Variants in AGAP1 observed in about 807,000 individuals in gnomAD.
AGAP1 encodes the protein arf-GAP with GTPase, ANK repeat and PH domain-containing protein 1.
AGAP1 carries 29 observed loss-of-function variants against 105.3 expected under a neutral mutation model. The observed-to-expected ratio is 0.28, with a 90% CI of 0.21 to 0.38. The LOEUF is 0.38. Ranked by LOEUF, AGAP1 falls within the 10% of genes least tolerant of loss-of-function variation. The pLI, the probability that AGAP1 is intolerant of heterozygous loss-of-function variation, is 1.00. For synonymous variants in AGAP1, 509 were observed against 485.9 expected (o/e 1.05, Z -0.63); for missense variants, 998 against 1,165.1 (o/e 0.86, Z 2.09).
In AGAP1 at chr2:235,900,838, C is replaced by T. The variant is rs998235683; in HGVS notation, c.1156-7900C>T. On this transcript the variant is annotated intron_variant, in intron 10 of 17. Transcript: ENST00000304032. The surrounding 1 kb of genome is among the most constrained non-coding windows in gnomAD (Gnocchi z 5.5). ...CATGGCTGCTGGTCACTGTCATGCA[C>T]TTACAAGCATGGGTCAGGTAGTCTT... Among the ~76,000 whole-genome samples the T allele has an allele frequency of 1.3e-5, 2 of 152,206 alleles. No individual in the cohort carries two copies. The highest frequency in any genetic ancestry group is 2.9e-5 in the Non-Finnish European group (2 of 68,046).
chr2:235,561,576 C>T (rs111558795), intron 1 of AGAP1, among the ~76,000 whole-genome samples: 10,093 of 152,238 alleles, frequency 0.066, 463 homozygotes, highest in South Asian at 0.18. Context: ...AGGTTTAGGG[C>T]TGACCCTGGA....
Position 235,621,842 on chromosome 2 carries a change from GCT to G in AGAP1, c.164-87332_164-87331del, listed in dbSNP as rs1946490446. On this transcript the variant is annotated intron_variant, in intron 1 of 17. Transcript: ENST00000304032. This position sits in a 1 kb window ranked among gnomAD's most constrained non-coding sequence, Gnocchi z 4.1. Reference sequence around the variant, plus strand: ...CCTGGGAGCGGCTGCTGATGTTCTGGCTCTCTGCAGTTGGGTAGGAGTGGAGG... The same window carrying G: ...CCTGGGAGCGGCTGCTGATGTTCTGGCTCTGCAGTTGGGTAGGAGTGGAGG... 6.6e-6 allele frequency among the ~76,000 whole-genome samples: 1 copy of G among 152,190 alleles called. No individual in the cohort carries two copies. Among genetic ancestry groups the G allele is most frequent in the Non-Finnish European group, 1.5e-5 (1 of 68,036 alleles).
intron 8 of AGAP1, among the ~76,000 whole-genome samples, chr2:235,803,344 T>G (rs1957678359): frequency 6.6e-6 from 1 of 152,206 alleles, no homozygotes; most frequent in East Asian, 1.9e-4. Context: ...GATATTAAAT[T>G]TTTATCATGA....
chr2:236,008,612 A>G (rs1431396616), intron 13 of AGAP1, among the ~76,000 whole-genome samples: 1 of 152,150 alleles, frequency 6.6e-6, no homozygotes, highest in Non-Finnish European at 1.5e-5. Context: ...CAAAGGGAAA[A>G]CCAACTCTCT....
chr2:235,861,245 T>TTATC (rs2048917115), intron 9 of AGAP1, among the ~76,000 whole-genome samples: 1 of 152,226 alleles, frequency 6.6e-6, no homozygotes, highest in Admixed American at 6.5e-5. Context: ...TCAGAGGATT[T>TTATC]GTTCAACATC....
At chr2:235,730,702 A>G (rs1400626695) in intron 3 of AGAP1, among the ~76,000 whole-genome samples, 1 of 152,148 alleles carries the variant, frequency 6.6e-6, no homozygotes, top group African/African-American at 2.4e-5. Flanking sequence ...TCCTCCCAAG[A>G]ACCAAACGTG....
intron 1 of AGAP1, among the ~76,000 whole-genome samples, chr2:235,619,298 C>T (rs933264698): frequency 3.9e-4 from 60 of 152,076 alleles, no homozygotes; most frequent in African/African-American, 1.3e-3. Flanking sequence ...GAATGATTTG[C>T]CCGAGTTCAC....
chr2:235,775,575 C>G (rs189737377), intron 6 of AGAP1: 1 of 152,258 alleles, frequency 6.6e-6, no homozygotes, highest in Non-Finnish European at 1.5e-5. Context: ...GAGATAAAGC[C>G]TTAATAATTC....
At chr2:236,074,371 T>G (rs1386003879) in intron 16 of AGAP1, among the ~76,000 whole-genome samples, 1 of 152,160 alleles carries the variant, frequency 6.6e-6, no homozygotes, top group Non-Finnish European at 1.5e-5. Flanking sequence ...TGGGACGACT[T>G]TGGATCAGCA....
At chr2:235,583,514 G>A (rs959628098) in intron 1 of AGAP1, among the ~76,000 whole-genome samples, 1 of 150,550 alleles carries the variant, frequency 6.6e-6, no homozygotes, top group Non-Finnish European at 1.5e-5. Flanking sequence ...AGCCTCTCGT[G>A]TAACTGGGAC....
chr2:235,644,179 G>A (rs1007578920), intron 1 of AGAP1, among the ~76,000 whole-genome samples: 3 of 152,236 alleles, frequency 2.0e-5, no homozygotes, highest in Non-Finnish European at 4.4e-5. Context: ...AGGTGGTTGG[G>A]AAGTACTGGA....
chr2:235,876,846 CTTT>C (rs34849687), intron 9 of AGAP1, among the ~76,000 whole-genome samples: 15 of 131,480 alleles, frequency 1.1e-4, no homozygotes, highest in Admixed American at 3.1e-4. Flanking sequence ...GGTGTGGAAC[CTTT>C]TTTTTTTTTT....
intron 13 of AGAP1, among the ~76,000 whole-genome samples, chr2:236,021,165 CAAA>C (rs1226322235): frequency 1.0e-4 from 8 of 76,250 alleles, no homozygotes; most frequent in East Asian, 1.0e-3. Flanking sequence ...GATTCTGTCT[CAAA>C]AAAAAAAAAA....
At position 236,040,911 on chromosome 2, in the gene AGAP1, G is replaced by C; in HGVS notation, c.1891+70G>C. 6.7e-7 allele frequency: 1 copy of C among 1,487,930 alleles called. No individual in the cohort carries two copies. Among genetic ancestry groups the C allele is most frequent in the South Asian group, 1.1e-5 (1 of 87,398 alleles). The allele number at this position is 1,487,930 out of a possible 1,614,324, so 92.2% of individuals were successfully genotyped here. A position where few individuals can be genotyped will look rare whatever the true frequency, so the allele number is the denominator to read the frequency against. On this transcript the variant is annotated intron_variant, in intron 15 of 17. Transcript: ENST00000304032. This position sits in a 1 kb window ranked among gnomAD's most constrained non-coding sequence, Gnocchi z 5.6. Reference sequence around the variant, plus strand: ...AGACCACATGGTCCCACTAGGCCCGGGTTGCAGGGGACTCACATCTGTCCT... The same window carrying C: ...AGACCACATGGTCCCACTAGGCCCGCGTTGCAGGGGACTCACATCTGTCCT...
At chr2:235,881,096 A>G (rs965106144) in intron 9 of AGAP1, among the ~76,000 whole-genome samples, 1 of 152,314 alleles carries the variant, frequency 6.6e-6, no homozygotes, top group African/African-American at 2.4e-5. Flanking sequence ...TTCAAACTCA[A>G]ATATTTTCCC....
At position 235,736,104 on chromosome 2, in the gene AGAP1, TCA is replaced by T. The variant is rs535621340; in HGVS notation, c.311-4857_311-4856del. Among the ~76,000 whole-genome samples, 928 of 151,776 alleles carry T rather than the reference TCA, an allele frequency of 6.1e-3. 10 individuals carry two copies. The highest frequency in any genetic ancestry group is 0.031 in the South Asian group (148 of 4,702). ...GAGACTGGGACTCTGTTTTCCCCTC[TCA>T]CTGAGATGCGGTCACAGCTGCCCAG... On this transcript the variant is annotated intron_variant, in intron 3 of 17. Transcript: ENST00000304032. This position sits in a 1 kb window ranked among gnomAD's most constrained non-coding sequence, Gnocchi z 5.5.
In AGAP1 at chr2:235,709,215, G is replaced by A. The variant is rs145767918; in HGVS notation, c.200G>A (p.Arg67Gln). ...FVNSQEWTLS[R>Q]SVPELKVGIV... ...AACAGCCAGGAATGGACGCTGAGTC[G>A]ATCTGTCCCGGAGCTCAAAGTGGTG... is the stretch of plus-strand genomic sequence containing the variant. Residue 67 changes from arginine to glutamine, a missense_variant, in exon 2 of 18, where the codon CGA (arginine) becomes CAA (glutamine). Physicochemically the swap from Arg to Gln is conservative, Grantham distance 43. Transcript: ENST00000304032. 9.9e-6 allele frequency: 16 copies of A among 1,614,040 alleles called. No homozygotes were observed. In the East Asian group the frequency reaches 2.7e-4, roughly 27 times the overall value.
In AGAP1 at chr2:236,105,105, C is replaced by T. The variant is rs544811497; in HGVS notation, c.2115-15087C>T. 3.3e-5 allele frequency among the ~76,000 whole-genome samples: 5 copies of T among 152,132 alleles called. No homozygotes were observed. The highest frequency in any genetic ancestry group is 1.9e-4 in the East Asian group (1 of 5,150). The stretch of plus-strand genomic sequence containing the variant: ...CTGTCTGTCTCGGTGAGAGAAGGCA[C>T]GGCCCTCACCCAGGGCAGCAGAGAT... On this transcript the variant is annotated intron_variant, in intron 16 of 17. Coordinates refer to ENST00000304032, the MANE Select transcript of AGAP1 (RefSeq NM_001037131.3). The surrounding 1 kb of genome is among the most constrained non-coding windows in gnomAD (Gnocchi z 4.2).
Position 235,931,015 on chromosome 2 carries a change from C to T in AGAP1, c.1483+92C>T. 1 of 1,441,136 alleles carries T rather than the reference C, an allele frequency of 6.9e-7. No homozygotes were observed. The highest frequency in any genetic ancestry group is 9.3e-7 in the Non-Finnish European group (1 of 1,075,130). 89.3% of individuals were successfully genotyped at this position (1,441,136 alleles called of 1,614,324 possible). A position where few individuals can be genotyped will look rare whatever the true frequency, so the allele number is the denominator to read the frequency against. ...GGACAGGACGCCCTAAGCTCTCATG[C>T]TCCTCTGGGAGCGCAGCACCCTGTG... is the stretch of plus-strand genomic sequence containing the variant. On this transcript the variant is annotated intron_variant, in intron 12 of 17. Transcript: ENST00000304032. This position sits in a 1 kb window ranked among gnomAD's most constrained non-coding sequence, Gnocchi z 5.6.
Sources: gnomAD v4.1 joint callset for allele counts (sites outside exome capture counted in the v4.1 genomes callset) on GRCh38, gnomAD v4.1.1 for gene constraint, Gnocchi (gnomAD v3.1) non-coding constraint, MANE v1.5 for transcripts, NCBI Gene and HGNC (gene_info 2026-07-23, HGNC 2026-07-21) for gene names.